The following ST13 variants were observed in gnomAD, a reference collection of about 807,000 sequenced individuals.
ST13 encodes the protein ST13 Hsp70 interacting protein, also known as hsc70-interacting protein.
ST13 carries 23 observed loss-of-function variants against 56.7 expected under a neutral mutation model. That is an observed-to-expected ratio of 0.41 (90% CI 0.29 to 0.57). The LOEUF (loss-of-function observed/expected upper bound fraction) is 0.57, where lower values mean the gene tolerates loss of function less well. ST13 is among the 20% of genes least tolerant of loss of function. The pLI is 0.36. For missense variants in ST13, 369 were observed against 459.9 expected (o/e 0.80, Z 1.81); for synonymous variants, 132 against 142.4 (o/e 0.93, Z 0.52).
chr22:40,844,824 A>G lies in ST13; in HGVS notation c.315+15T>C. The G allele has an allele frequency of 6.2e-7, 1 of 1,607,922 alleles. No homozygotes were observed. Among genetic ancestry groups the G allele is most frequent in the South Asian group, 1.1e-5 (1 of 90,714 alleles). ...ATTTCTTAGAACAAGCAGGAAATCA[A>G]GTCACCGAACTTACCTCCGCATTTT... is the stretch of plus-strand genomic sequence containing the variant. On this transcript the variant is annotated intron_variant, in intron 4 of 11. Transcript: ENST00000216218.
chr22:40,850,544 C>T (rs1418046204), intron 2 of ST13, among the ~76,000 whole-genome samples: 2 of 152,200 alleles, frequency 1.3e-5, no homozygotes, highest in East Asian at 3.9e-4. Flanking sequence ...TACGGATGCA[C>T]ACCATCACGG....
intron 4 of ST13, among the ~76,000 whole-genome samples, chr22:40,842,050 C>T (rs1297524922): frequency 5.3e-5 from 8 of 152,176 alleles, no homozygotes; most frequent in East Asian, 1.9e-4. Flanking sequence ...CCTACAGAAA[C>T]GGACAGTTGA....
At chr22:40,833,413 C>T (rs1294072071) in intron 7 of ST13, among the ~76,000 whole-genome samples, 3 of 151,066 alleles carry the variant, frequency 2.0e-5, no homozygotes, top group African/African-American at 7.3e-5. Context: ...ACTAAAAATA[C>T]AAAAAACCAG....
At chr22:40,855,195 C>T (rs2057883436) in intron 1 of ST13, among the ~76,000 whole-genome samples, 1 of 152,196 alleles carries the variant, frequency 6.6e-6, no homozygotes, top group Admixed American at 6.5e-5. Flanking sequence ...GTGGCTCACG[C>T]CTGTAATACC....
At chr22:40,836,081 G>A (rs2057775930) in intron 5 of ST13, 194 bp from the exon 6 acceptor site, 3 of 504,858 alleles carry the variant, frequency 5.9e-6, no homozygotes, top group Admixed American at 3.6e-5. Flanking sequence ...CACGAGGTAA[G>A]ACAATTTCTG....
chr22:40,843,506 G>A (rs2057814878), intron 4 of ST13, among the ~76,000 whole-genome samples: 1 of 152,112 alleles, frequency 6.6e-6, no homozygotes, highest in African/African-American at 2.4e-5. Flanking sequence ...ACAATATTCA[G>A]AAACAGTGTA....
chr22:40,832,312 C>G, intron 8 of ST13: 1 of 504,296 alleles, frequency 2.0e-6, no homozygotes, highest in East Asian at 4.6e-5. Flanking sequence ...ACCCCCTTTT[C>G]TAATTTTCTG....
At chr22:40,841,355 G>C (rs926177789) in intron 4 of ST13, among the ~76,000 whole-genome samples, 1 of 152,032 alleles carries the variant, frequency 6.6e-6, no homozygotes, top group Non-Finnish European at 1.5e-5. Flanking sequence ...GGGTGACACA[G>C]AGCAAGACCA....
In ST13 at chr22:40,849,586, T is replaced by C. The variant is rs117086743; in HGVS notation, c.169-1217A>G. 7.3e-3 allele frequency among the ~76,000 whole-genome samples: 1,116 copies of C among 152,098 alleles called. 9 individuals are homozygous for C. The highest frequency in any genetic ancestry group is 0.027 in the East Asian group (141 of 5,184). On this transcript the variant is annotated intron_variant, in intron 2 of 11. Coordinates refer to ENST00000216218, the MANE Select transcript of ST13 (RefSeq NM_003932.5). ...CAAAGTCTAGGTATTCTAGAATATATTGAAAAGAAAAGACAAGCCATAATT... is the reference window on the plus strand; with the variant it reads ...CAAAGTCTAGGTATTCTAGAATATACTGAAAAGAAAAGACAAGCCATAATT...
At chr22:40,827,621 G>A (rs969310194) in intron 10 of ST13, among the ~76,000 whole-genome samples, 4 of 151,944 alleles carry the variant, frequency 2.6e-5, no homozygotes, top group African/African-American at 9.7e-5. Context: ...GAGACTACAG[G>A]CACGCACCAC....
chr22:40,830,781 TA>T (rs1377251823), intron 9 of ST13, 58 bp downstream of exon 9: 195 of 1,079,168 alleles, frequency 1.8e-4, no homozygotes, highest in Non-Finnish European at 2.1e-4. Flanking sequence ...TTTAGTGTCC[TA>T]ATGCCTCTAC....
chr22:40,852,130 GA>G (rs754427670), intron 1 of ST13, among the ~76,000 whole-genome samples: 2 of 152,200 alleles, frequency 1.3e-5, no homozygotes, highest in Non-Finnish European at 2.9e-5. Context: ...TGTGCAGGCT[GA>G]ATTTAAATGG....
chr22:40,841,261 T>C (rs571576263), intron 4 of ST13, among the ~76,000 whole-genome samples: 2 of 150,142 alleles, frequency 1.3e-5, no homozygotes, highest in African/African-American at 4.9e-5. Flanking sequence ...TCCCAGCTAC[T>C]CAGGAGGCTG....
At position 40,840,399 on chromosome 22, in the gene ST13, C is replaced by A. The variant is rs373735962; in HGVS notation, c.382+227G>T. Among the ~76,000 whole-genome samples the A allele has an allele frequency of 1.3e-3, 201 of 151,084 alleles. No individual in the cohort carries two copies. In the Middle Eastern group the frequency reaches 0.014, roughly 10 times the overall value. The stretch of plus-strand genomic sequence containing the variant: ...GCCTCTTCTCAGCAGAAAAACACCA[C>A]GATAGGGTCAGGAAATCAGAGACAC... On this transcript the variant is annotated intron_variant, in intron 5 of 11. Coordinates refer to ENST00000216218, the MANE Select transcript of ST13 (RefSeq NM_003932.5).
chr22:40,830,106 A>T (rs2057747376), intron 9 of ST13, among the ~76,000 whole-genome samples: 1 of 152,240 alleles, frequency 6.6e-6, no homozygotes, highest in South Asian at 2.1e-4. Flanking sequence ...TTTAAAAGAG[A>T]AAATGAACAA....
rs760404812 is a variant in ST13, at chr22:40,850,823, C to G, written c.168G>C (p.Lys56Asn). ...ACATACAAATGAAATTAAAACTTAC[C>G]TTGGTATTTTCTTCTGATTTAGCTT... ...TQKAKSEENT[K>N]EEKPDSKKVE... is the part of the protein sequence containing the mutation. Residue 56 changes from lysine to asparagine, a missense_variant and splice_region_variant, in exon 2 of 12, where the codon AAG becomes AAC. This residue lies in a region of ST13 where 169 missense variants were observed against 175.6 expected (regional missense o/e 0.96). Transcript: ENST00000216218. The G allele has an allele frequency of 1.2e-6, 2 of 1,600,532 alleles. No individual in the cohort carries two copies. The highest frequency in any genetic ancestry group is 2.7e-5 in the African/African-American group (2 of 74,214).
intron 3 of ST13, among the ~76,000 whole-genome samples, chr22:40,847,835 T>C (rs1252292107): frequency 6.6e-6 from 1 of 151,952 alleles, no homozygotes; most frequent in Non-Finnish European, 1.5e-5. Context: ...GATCACGAGG[T>C]CAGGAGTTCG....
intron 1 of ST13, among the ~76,000 whole-genome samples, chr22:40,853,868 G>C (rs542635479): frequency 7.9e-5 from 12 of 152,158 alleles, no homozygotes; most frequent in African/African-American, 2.9e-4. Flanking sequence ...TTGTTAAACG[G>C]GAGAAAATAG....
chr22:40,845,260 T>C (rs1264309229), intron 3 of ST13, among the ~76,000 whole-genome samples: 3 of 152,246 alleles, frequency 2.0e-5, no homozygotes, highest in Non-Finnish European at 4.4e-5. Flanking sequence ...TGATGTACTA[T>C]GTTTTTCAAA....
Sources: allele counts gnomAD v4.1 joint callset (sites outside exome capture counted in the v4.1 genomes callset), GRCh38; gene constraint gnomAD v4.1.1; regional missense constraint gnomAD v4.1.1; transcripts MANE v1.5; gene names NCBI Gene and HGNC (gene_info 2026-07-23, HGNC 2026-07-21).